Variants in TEAD1 observed in about 807,000 individuals in gnomAD.
The protein encoded by TEAD1 is transcriptional enhancer factor TEF-1.
TEAD1 carries 9 observed loss-of-function variants against 54.9 expected under a neutral mutation model. The ratio of observed to expected loss-of-function variants is 0.16; its 90% confidence interval spans 0.10 to 0.29. The LOEUF (loss-of-function observed/expected upper bound fraction) is 0.29. TEAD1 is among the 10% of genes least tolerant of loss of function. TEAD1 has a pLI of 1.00. For missense variants in TEAD1, 387 were observed against 535.9 expected (o/e 0.72, Z 2.74); for synonymous variants, 200 against 187.8 (o/e 1.07, Z -0.53).
At chr11:12,800,982 A>G (rs1037902637) in intron 3 of TEAD1, among the ~76,000 whole-genome samples, 4 of 152,212 alleles carry the variant, frequency 2.6e-5, no homozygotes, top group African/African-American at 9.7e-5. Context: ...GAATGCATGG[A>G]TGGATGGGGA....
intron 12 of TEAD1, among the ~76,000 whole-genome samples, chr11:12,932,609 G>T (rs1949029916): frequency 6.6e-6 from 1 of 152,162 alleles, no homozygotes; most frequent in African/African-American, 2.4e-5. Context: ...GTGAAGGGCG[G>T]ACCACGTGTA....
At chr11:12,866,972 G>T (rs1947631864) in intron 5 of TEAD1, among the ~76,000 whole-genome samples, 1 of 152,170 alleles carries the variant, frequency 6.6e-6, no homozygotes, top group Non-Finnish European at 1.5e-5. Context: ...GAGCTTCGTG[G>T]AGAGTATACT....
chr11:12,881,074 A>G, intron 7 of TEAD1, 23 bp downstream of exon 7: 1 of 1,613,812 alleles, frequency 6.2e-7, no homozygotes, highest in Non-Finnish European at 8.5e-7. Context: ...AGGGGTGGGC[A>G]CTGACAACTA....
intron 2 of TEAD1, among the ~76,000 whole-genome samples, chr11:12,676,002 T>G (rs1018101980): frequency 4.6e-5 from 7 of 152,106 alleles, no homozygotes; most frequent in Non-Finnish European, 1.0e-4. Flanking sequence ...TTTGCAGAAA[T>G]GAAAATTGAC....
At chr11:12,727,352 A>T (rs7927470) in intron 2 of TEAD1, among the ~76,000 whole-genome samples, 52,601 of 151,948 alleles carry the variant, frequency 0.35, 9,675 homozygotes, top group South Asian at 0.61. Flanking sequence ...CCATTGTTGG[A>T]GTGAGGGGGT....
intron 5 of TEAD1, among the ~76,000 whole-genome samples, chr11:12,876,780 C>A (rs531577808): frequency 3.3e-5 from 5 of 152,078 alleles, no homozygotes; most frequent in Admixed American, 6.5e-5. Context: ...AGTGACTGGT[C>A]TAAGAGAAAC....
At chr11:12,874,383 T>A (rs1947814095) in intron 5 of TEAD1, among the ~76,000 whole-genome samples, 1 of 152,204 alleles carries the variant, frequency 6.6e-6, no homozygotes, top group Non-Finnish European at 1.5e-5. Flanking sequence ...CATGTGCATT[T>A]GTGATATTGC....
At chr11:12,904,167 A>G (rs1241617465) in intron 10 of TEAD1, among the ~76,000 whole-genome samples, 1 of 152,224 alleles carries the variant, frequency 6.6e-6, no homozygotes, top group Non-Finnish European at 1.5e-5. Flanking sequence ...AGTATGAATC[A>G]GAGCAGTGGC....
At chr11:12,797,045 G>A (rs961861403) in intron 3 of TEAD1, among the ~76,000 whole-genome samples, 7 of 152,016 alleles carry the variant, frequency 4.6e-5, no homozygotes, top group Admixed American at 3.9e-4. Context: ...CCCGGGAGGC[G>A]GAGCTTGCAG....
intron 2 of TEAD1, among the ~76,000 whole-genome samples, chr11:12,711,669 C>T (rs1943941733): frequency 6.6e-6 from 1 of 152,222 alleles, no homozygotes; most frequent in Admixed American, 6.5e-5. Context: ...GACTAGTAAA[C>T]AGGCCCTTTA....
intron 2 of TEAD1, among the ~76,000 whole-genome samples, chr11:12,741,206 G>A (rs909043501): frequency 2.0e-5 from 3 of 151,758 alleles, no homozygotes; most frequent in Non-Finnish European, 4.4e-5. Flanking sequence ...AATTATTCTT[G>A]TAAATGAATG....
At chr11:12,783,095 G>GT (rs1554933010) in intron 3 of TEAD1, among the ~76,000 whole-genome samples, 45 of 121,774 alleles carry the variant, frequency 3.7e-4, no homozygotes, top group African/African-American at 1.5e-3. Context: ...ACCAGGTAAG[G>GT]GTTTGTGTGT....
intron 3 of TEAD1, among the ~76,000 whole-genome samples, chr11:12,859,850 C>A (rs1233427254): frequency 6.6e-6 from 1 of 151,900 alleles, no homozygotes; most frequent in Non-Finnish European, 1.5e-5. Flanking sequence ...AAGACGAGCC[C>A]GTATGAAAAA....
intron 2 of TEAD1, among the ~76,000 whole-genome samples, chr11:12,704,845 T>G (rs918781881): frequency 6.6e-6 from 1 of 152,246 alleles, no homozygotes; most frequent in Non-Finnish European, 1.5e-5. Flanking sequence ...GTTCTGGTAT[T>G]GCTTATTCAT....
chr11:12,701,433 C>T (rs1943699412), intron 2 of TEAD1, among the ~76,000 whole-genome samples: 1 of 152,024 alleles, frequency 6.6e-6, no homozygotes, highest in South Asian at 2.1e-4. Flanking sequence ...TAAATTTTGC[C>T]TTTCTTTTGA....
intron 5 of TEAD1, among the ~76,000 whole-genome samples, chr11:12,867,470 A>G (rs1480743921): frequency 6.6e-6 from 1 of 152,196 alleles, no homozygotes; most frequent in African/African-American, 2.4e-5. Flanking sequence ...TGAGGGCATT[A>G]GGACAGTCGC....
intron 2 of TEAD1, among the ~76,000 whole-genome samples, chr11:12,761,879 G>T (rs1226584564): frequency 6.6e-6 from 1 of 152,182 alleles, no homozygotes; most frequent in Non-Finnish European, 1.5e-5. Context: ...GTTCCCTGCT[G>T]TTAGTGGTGT....
intron 3 of TEAD1, among the ~76,000 whole-genome samples, chr11:12,831,942 T>G (rs756856826): frequency 7.9e-5 from 12 of 152,162 alleles, no homozygotes; most frequent in Non-Finnish European, 1.8e-4. Flanking sequence ...GGCAGGAGAT[T>G]TACTGCTCTC....
intron 3 of TEAD1, among the ~76,000 whole-genome samples, chr11:12,777,712 C>G (rs1482851171): frequency 6.6e-6 from 1 of 152,182 alleles, no homozygotes; most frequent in Non-Finnish European, 1.5e-5. Context: ...CTTGTATTTT[C>G]TGTCTCACAG....
Sources: allele counts gnomAD v4.1 joint callset (sites outside exome capture counted in the v4.1 genomes callset), GRCh38; gene constraint gnomAD v4.1.1; transcripts MANE v1.5; gene names NCBI Gene and HGNC (gene_info 2026-07-23, HGNC 2026-07-21).